Variants in RHOU observed in about 807,000 individuals in gnomAD.
The protein encoded by RHOU is rho-related GTP-binding protein RhoU.
A neutral mutation model predicts 12.6 loss-of-function variants in RHOU; 8 were observed. The observed-to-expected ratio is 0.64, with a 90% CI of 0.37 to 1.15. The LOEUF (loss-of-function observed/expected upper bound fraction) is 1.15. Among genes scored for constraint, RHOU ranks in the 50% most tolerant of loss-of-function variants. RHOU has a pLI of 0.01. For missense variants in RHOU, 258 were observed against 347.0 expected, an observed-to-expected ratio of 0.74 and a Z score of 2.04; for synonymous variants, 161 against 147.4, an observed-to-expected ratio of 1.09 and a Z score of -0.67.
chr1:228,648,493 C>G, the RHOU span, among the ~76,000 whole-genome samples: 1 of 152,226 alleles, frequency 6.6e-6, no homozygotes, highest in East Asian at 1.9e-4. Context: ...TTTTGCCTTG[C>G]GGCGGGGGGA....
At chr1:228,682,349 C>T in the RHOU span, among the ~76,000 whole-genome samples, 2 of 152,182 alleles carry the variant, frequency 1.3e-5, no homozygotes, top group African/African-American at 4.8e-5. Flanking sequence ...TCTTCAGCAC[C>T]AAATGTCTCA....
the RHOU span, among the ~76,000 whole-genome samples, chr1:228,686,111 T>G: frequency 6.6e-6 from 1 of 152,206 alleles, no homozygotes; most frequent in Non-Finnish European, 1.5e-5. Flanking sequence ...AGGGTTGTGT[T>G]ATATTTGAGT....
At chr1:228,707,955 G>A in the RHOU span, among the ~76,000 whole-genome samples, 1 of 152,148 alleles carries the variant, frequency 6.6e-6, no homozygotes, top group Non-Finnish European at 1.5e-5. Flanking sequence ...ATACAGAGAA[G>A]TGCTTAAAGG....
Position 228,746,126 on chromosome 1 carries a change from A to C in RHOU, c.*2386A>C, listed in dbSNP as rs985260123. On this transcript the variant is annotated 3_prime_UTR_variant, in exon 3 of 3. Coordinates refer to ENST00000366691, the MANE Select transcript of RHOU (RefSeq NM_021205.6). ...ACCTTTAAATGCAACAGTTTTTAAA[A>C]TATATTGCTGCATTTTATAGAATAG... 4.6e-5 allele frequency: 7 copies of C among 152,236 alleles called. No individual in the cohort carries two copies. The highest frequency in any genetic ancestry group is 1.7e-4 in the African/African-American group (7 of 41,452). The allele number at this position is 152,236 out of a possible 1,614,324, so 9.4% of individuals were successfully genotyped here. A position where few individuals can be genotyped will look rare whatever the true frequency, so the allele number is the denominator to read the frequency against.
At chr1:228,741,313 G>T (rs568063949) in intron 2 of RHOU, among the ~76,000 whole-genome samples, 17 of 152,298 alleles carry the variant, frequency 1.1e-4, no homozygotes, top group Non-Finnish European at 2.1e-4. Flanking sequence ...TTCAGGTCAG[G>T]CACTGAGCAG....
chr1:228,650,481 C>A, the RHOU span: 2 of 456,410 alleles, frequency 4.4e-6, no homozygotes, highest in East Asian at 6.9e-5. Context: ...AGGGCAGCAT[C>A]CTGGTGGCCG....
the RHOU span, among the ~76,000 whole-genome samples, chr1:228,684,330 C>A: frequency 2.0e-5 from 3 of 151,722 alleles, no homozygotes; most frequent in Non-Finnish European, 4.4e-5. Context: ...AGCCACTGCG[C>A]CTGGCCAGTT....
At chr1:228,650,661 T>G in the RHOU span, 1 of 480,622 alleles carries the variant, frequency 2.1e-6, no homozygotes, top group Non-Finnish European at 4.0e-6. Flanking sequence ...TAAAACTCGT[T>G]TCACTCGTTT....
chr1:228,728,132 T>C, the RHOU span, among the ~76,000 whole-genome samples: 1 of 152,144 alleles, frequency 6.6e-6, no homozygotes, highest in Non-Finnish European at 1.5e-5. Context: ...TTGCAACAGC[T>C]GAGAAGACCC....
At chr1:228,648,114 C>T in the RHOU span, 1 of 152,290 alleles carries the variant, frequency 6.6e-6, no homozygotes, top group Non-Finnish European at 1.5e-5. Context: ...AATCCAGTGC[C>T]ATGGGGATCT....
the RHOU span, among the ~76,000 whole-genome samples, chr1:228,682,690 T>C: frequency 6.6e-6 from 1 of 152,100 alleles, no homozygotes; most frequent in Non-Finnish European, 1.5e-5. Flanking sequence ...ATCATAATGT[T>C]GAGTAAAGAG....
chr1:228,732,283 C>A (rs1341444990), upstream of RHOU, among the ~76,000 whole-genome samples: 2 of 152,164 alleles, frequency 1.3e-5, no homozygotes, highest in African/African-American at 2.4e-5. Flanking sequence ...TAAGAGGAGA[C>A]AGACAATAAG....
chr1:228,661,191 C>T, the RHOU span, among the ~76,000 whole-genome samples: 4 of 152,062 alleles, frequency 2.6e-5, no homozygotes, highest in Admixed American at 1.3e-4. Context: ...AAGGAGGAGA[C>T]AAACAAATGG....
chr1:228,705,895 A>G, the RHOU span, among the ~76,000 whole-genome samples: 1 of 152,150 alleles, frequency 6.6e-6, no homozygotes, highest in Non-Finnish European at 1.5e-5. Context: ...AATACAAAAA[A>G]TTAGCCGGGC....
upstream of RHOU, among the ~76,000 whole-genome samples, chr1:228,732,658 C>A (rs1468109968): frequency 6.6e-6 from 1 of 151,844 alleles, no homozygotes; most frequent in East Asian, 1.9e-4. Flanking sequence ...TAAGTTGTGT[C>A]CAGAAAAACG....
intron 2 of RHOU, among the ~76,000 whole-genome samples, chr1:228,739,023 A>G (rs896652309): frequency 2.6e-5 from 4 of 152,068 alleles, no homozygotes; most frequent in Non-Finnish European, 5.9e-5. Context: ...CAGGAGGCTG[A>G]GGTGAGAGGA....
In RHOU at chr1:228,735,851, G is replaced by A. The variant is rs1662592933; in HGVS notation, c.109G>A (p.Gly37Arg). Reference sequence around the variant, plus strand: ...CGGGGGACGCGGGCCTGGGGAGCCGGGGGGCCGGGGGCGTGCGGGGGGTGC... The same window carrying A: ...CGGGGGACGCGGGCCTGGGGAGCCGAGGGGCCGGGGGCGTGCGGGGGGTGC... ...GRGGRGPGEPGGRGRAGGAEG... is the reference protein window; with the variant it reads ...GRGGRGPGEPRGRGRAGGAEG... The change falls in exon 1 of 3, where the codon GGG becomes AGG. Residue 37 changes from glycine (G) to arginine (R), a missense_variant. Gly to Arg is a moderately radical substitution (Grantham distance 125, BLOSUM62 -2). Coordinates refer to ENST00000366691, the MANE Select transcript of RHOU (RefSeq NM_021205.6). The surrounding 1 kb of genome is among the most constrained non-coding windows in gnomAD (Gnocchi z 8.1). 4.5e-6 allele frequency: 6 copies of A among 1,325,620 alleles called. No individual in the cohort carries two copies. The highest frequency in any genetic ancestry group is 2.1e-5 in the South Asian group (1 of 48,568). The allele number at this position is 1,325,620 out of a possible 1,614,324, so 82.1% of individuals were successfully genotyped here. A position where few individuals can be genotyped will look rare whatever the true frequency, so the allele number is the denominator to read the frequency against.
chr1:228,710,693 C>T, the RHOU span, among the ~76,000 whole-genome samples: 11 of 150,508 alleles, frequency 7.3e-5, no homozygotes, highest in South Asian at 2.1e-4. Context: ...GACAAACCCA[C>T]AGCCAATATC....
chr1:228,745,805 C>T lies in RHOU; in HGVS notation c.*2065C>T. ...GTGGGAGGGAAGATGAGTTATTTAACTGGTAAGCGATTTGAAACACTATTT... is the reference window on the plus strand; with the variant it reads ...GTGGGAGGGAAGATGAGTTATTTAATTGGTAAGCGATTTGAAACACTATTT... On this transcript the variant is annotated 3_prime_UTR_variant, in exon 3 of 3. Coordinates refer to ENST00000366691, the MANE Select transcript of RHOU (RefSeq NM_021205.6). 6.6e-6 allele frequency: 1 copy of T among 152,218 alleles called. No individual in the cohort carries two copies. Among genetic ancestry groups the T allele is most frequent in the Admixed American group, 6.5e-5 (1 of 15,286 alleles). 9.4% of individuals were successfully genotyped at this position (152,218 alleles called of 1,614,324 possible).
Sources: gnomAD v4.1 joint callset for allele counts (sites outside exome capture counted in the v4.1 genomes callset) on GRCh38, gnomAD v4.1.1 for gene constraint, Gnocchi (gnomAD v3.1) non-coding constraint, MANE v1.5 for transcripts, NCBI Gene and HGNC (gene_info 2026-07-23, HGNC 2026-07-21) for gene names.